The following CHP1 variants were observed in gnomAD, a reference collection of about 807,000 sequenced individuals.
The protein encoded by CHP1 is calcineurin like EF-hand protein 1, also known as calcineurin B homologous protein 1.
In CHP1, 11 loss-of-function variants were observed where a neutral mutation model predicts 27.4. The ratio of observed to expected loss-of-function variants is 0.40; its 90% confidence interval spans 0.25 to 0.67. The LOEUF (loss-of-function observed/expected upper bound fraction) is 0.67, where lower values mean the gene tolerates loss of function less well. Ranked by LOEUF, CHP1 falls within the 30% of genes least tolerant of loss-of-function variation. CHP1 has a pLI of 0.38. For synonymous variants in CHP1, 89 were observed against 87.4 expected, an observed-to-expected ratio of 1.02 and a Z score of -0.10; for missense variants, 169 against 251.3, an observed-to-expected ratio of 0.67 and a Z score of 2.22.
intron 4 of CHP1, among the ~76,000 whole-genome samples, chr15:41,270,335 A>G (rs896486183): frequency 6.6e-6 from 1 of 152,086 alleles, no homozygotes; most frequent in South Asian, 2.1e-4. Context: ...AAGTTTTCTG[A>G]TTTGTTGGAA....
At chr15:41,267,518 T>C (rs2047467257) in intron 4 of CHP1, among the ~76,000 whole-genome samples, 1 of 151,726 alleles carries the variant, frequency 6.6e-6, no homozygotes, top group African/African-American at 2.4e-5. Context: ...AAAAATTAGC[T>C]GGGTGTGGTG....
In CHP1 at chr15:41,279,552, G is replaced by A; in HGVS notation, c.*163G>A. ...TTCTGTCAACACAAACCTGCCTTTG[G>A]TGTATAAACAGGGCATTACAGAATG... On this transcript the variant is annotated 3_prime_UTR_variant, in exon 7 of 7. Transcript: ENST00000334660. The A allele has an allele frequency of 1.6e-6, 1 of 628,278 alleles. No homozygotes were observed. Among genetic ancestry groups the A allele is most frequent in the East Asian group, 2.8e-5 (1 of 36,342 alleles). The allele number at this position is 628,278 out of a possible 1,614,324, so 38.9% of individuals were successfully genotyped here.
At chr15:41,275,575 T>C (rs1473396986) in intron 5 of CHP1, among the ~76,000 whole-genome samples, 2 of 152,186 alleles carry the variant, frequency 1.3e-5, no homozygotes, top group African/African-American at 4.8e-5. Flanking sequence ...GATTGGTTGA[T>C]TGACTGATAG....
chr15:41,250,503 G>GT (rs960549037), intron 2 of CHP1, among the ~76,000 whole-genome samples: 2 of 151,950 alleles, frequency 1.3e-5, no homozygotes, highest in African/African-American at 2.4e-5. Flanking sequence ...GGAGGCGGAG[G>GT]TTGCAGTGAG....
At chr15:41,264,136 C>CT (rs747673874) in intron 4 of CHP1, 6,377 of 1,063,230 alleles carry the variant, frequency 6.0e-3, no homozygotes, top group Non-Finnish European at 6.7e-3. Flanking sequence ...GTTAACAGGG[C>CT]TTTTTTTTTT....
intron 4 of CHP1, chr15:41,264,246 C>T: frequency 7.8e-7 from 1 of 1,279,526 alleles, no homozygotes. Context: ...GTAAGTCCTT[C>T]CCCTCACTTT....
intron 2 of CHP1, among the ~76,000 whole-genome samples, chr15:41,248,946 C>T (rs1008147614): frequency 6.6e-6 from 1 of 152,120 alleles, no homozygotes; most frequent in Non-Finnish European, 1.5e-5. Flanking sequence ...TGTGGCCATC[C>T]GATTAAATTG....
intron 5 of CHP1, 59 bp from the exon 6 acceptor site, chr15:41,278,708 T>A: frequency 1.2e-6 from 2 of 1,606,560 alleles, no homozygotes; most frequent in Admixed American, 1.7e-5. Context: ...TTTTTAATCT[T>A]AGTAAAGAGT....
At chr15:41,252,060 A>T (rs1190336429) in intron 2 of CHP1, among the ~76,000 whole-genome samples, 1 of 150,508 alleles carries the variant, frequency 6.6e-6, no homozygotes, top group Non-Finnish European at 1.5e-5. Context: ...CATTTAATTT[A>T]AAAATACTGA....
intron 2 of CHP1, among the ~76,000 whole-genome samples, chr15:41,249,640 T>G (rs904964995): frequency 6.6e-6 from 1 of 151,502 alleles, no homozygotes; most frequent in African/African-American, 2.4e-5. Flanking sequence ...ACCCAGCTAA[T>G]TTTTTGTATT....
At chr15:41,273,845 G>A (rs1001306559) in intron 5 of CHP1, among the ~76,000 whole-genome samples, 2 of 151,672 alleles carry the variant, frequency 1.3e-5, no homozygotes, top group African/African-American at 2.4e-5. Flanking sequence ...GGAGGCTGAA[G>A]TAGGAGAATC....
intron 5 of CHP1, among the ~76,000 whole-genome samples, chr15:41,275,807 C>T (rs2047516646): frequency 6.6e-6 from 1 of 152,056 alleles, no homozygotes; most frequent in Admixed American, 6.5e-5. Flanking sequence ...CCTCTGCCTC[C>T]CGGGTTGAAG....
intron 2 of CHP1, among the ~76,000 whole-genome samples, chr15:41,251,024 G>A (rs549459209): frequency 2.5e-4 from 38 of 151,776 alleles, no homozygotes; most frequent in Non-Finnish European, 4.9e-4. Context: ...TAGTAGAGAC[G>A]GGTTTCACCA....
At chr15:41,261,495 A>T (rs1464569408) in intron 3 of CHP1, among the ~76,000 whole-genome samples, 1 of 152,114 alleles carries the variant, frequency 6.6e-6, no homozygotes, top group Non-Finnish European at 1.5e-5. Context: ...TAATTGGTAG[A>T]ACTCGGATCA....
At chr15:41,257,602 C>T (rs1327786702) in intron 3 of CHP1, among the ~76,000 whole-genome samples, 2 of 152,002 alleles carry the variant, frequency 1.3e-5, no homozygotes, top group African/African-American at 2.4e-5. Context: ...CTCGGTCGCT[C>T]AGGCTGGAGT....
At chr15:41,239,232 A>T (rs979275193) in intron 1 of CHP1, among the ~76,000 whole-genome samples, 6 of 152,020 alleles carry the variant, frequency 3.9e-5, no homozygotes, top group Non-Finnish European at 8.8e-5. Context: ...AAGTTTAGAT[A>T]TGACCATATT....
At chr15:41,267,877 T>C (rs2047469386) in intron 4 of CHP1, among the ~76,000 whole-genome samples, 1 of 140,458 alleles carries the variant, frequency 7.1e-6, no homozygotes, top group Non-Finnish European at 1.5e-5. Context: ...GGGTCTGCAG[T>C]GAGCCATGAT....
rs1026208217 is a variant in CHP1 at position 41,231,533 on chromosome 15, C to T, written c.67+84C>T. 3.0e-5 allele frequency: 41 copies of T among 1,363,036 alleles called. No individual in the cohort carries two copies. The African/African-American group carries it at 4.3e-4, about 14-fold the overall frequency. 84.4% of individuals were successfully genotyped at this position (1,363,036 alleles called of 1,614,324 possible). Reference sequence around the variant, plus strand: ...GCGGCTGTCGCTAAGGTCTGGAGCTCGGGTGCCTGTGAGGTTGGGGGGTCC... The same window carrying T: ...GCGGCTGTCGCTAAGGTCTGGAGCTTGGGTGCCTGTGAGGTTGGGGGGTCC... On this transcript the variant is annotated intron_variant, in intron 1 of 6. Coordinates refer to ENST00000334660, the MANE Select transcript of CHP1 (RefSeq NM_007236.5).
At chr15:41,258,183 G>A (rs894517897) in intron 3 of CHP1, among the ~76,000 whole-genome samples, 2 of 152,096 alleles carry the variant, frequency 1.3e-5, no homozygotes, top group Middle Eastern at 3.4e-3. Context: ...TTGTGTATGT[G>A]TGTTCACATA....
Sources: allele counts gnomAD v4.1 joint callset (sites outside exome capture counted in the v4.1 genomes callset), GRCh38; gene constraint gnomAD v4.1.1; transcripts MANE v1.5; gene names NCBI Gene and HGNC (gene_info 2026-07-23, HGNC 2026-07-21).